ARID1B: variants seen among roughly 807,000 people sequenced by gnomAD.
The protein encoded by ARID1B is AT-rich interaction domain 1B.
Under a neutral mutation model 212.3 loss-of-function variants are expected in ARID1B, and 30 were observed. That is an observed-to-expected ratio of 0.14 (90% CI 0.11 to 0.19). The LOEUF (loss-of-function observed/expected upper bound fraction) is 0.19, where lower values mean the gene tolerates loss of function less well. Ranked by LOEUF, ARID1B falls within the 10% of genes least tolerant of loss-of-function variation. The pLI is 1.00. For missense variants in ARID1B, 2,891 were observed against 3,204.0 expected (o/e 0.90, Z 2.36); for synonymous variants, 1,402 against 1,301.7 (o/e 1.08, Z -1.66).
chr6:157,189,559 C>A (rs1793210802), intron 13 of ARID1B, 83 bp from the exon 14 acceptor site: 2 of 1,419,514 alleles, frequency 1.4e-6, no homozygotes, highest in East Asian at 2.5e-5. Context: ...TTATGTCTTT[C>A]ATCTGTATAA....
intron 9 of ARID1B, chr6:157,169,037 G>A (rs1462353980): frequency 6.6e-6 from 1 of 152,172 alleles, no homozygotes; most frequent in African/African-American, 2.4e-5. Flanking sequence ...ACTGCGTTCT[G>A]ATCTCTCAGA....
intron 2 of ARID1B, among the ~76,000 whole-genome samples, chr6:156,893,598 A>AT (rs199524644): frequency 2.2e-3 from 309 of 138,644 alleles, no homozygotes; most frequent in African/African-American, 7.3e-3. Context: ...AAATAACCTA[A>AT]TTAAAAAAAA....
At position 157,206,758 on chromosome 6, in the gene ARID1B, A is replaced by T. The variant is rs766023993; in HGVS notation, c.5986A>T (p.Ile1996Phe). The stretch of plus-strand genomic sequence containing the variant: ...CTCTGAAGAGCAGCAAGAGAAAAGC[A>T]TCATAGCAACCATCGATGACGTCCT... The part of the protein sequence containing the change: ...GDSEEQQEKS[I>F]IATIDDVLSA... Residue 1996 changes from isoleucine (I) to phenylalanine (F), a missense_variant, in exon 20 of 20, where the codon ATC (isoleucine) becomes TTC (phenylalanine). Around this residue, in one of 7 missense-constraint regions of ARID1B, gnomAD observed 332 missense variants for 369.2 expected, o/e 0.90. Transcript: ENST00000636930. The surrounding 1 kb of genome is among the most constrained non-coding windows in gnomAD (Gnocchi z 6.8). 16 of 1,613,450 alleles carry T rather than the reference A, an allele frequency of 9.9e-6. No homozygotes were observed. Among genetic ancestry groups the T allele is most frequent in the South Asian group, 8.8e-5 (8 of 91,082 alleles).
At chr6:156,902,213 T>C (rs1348887667) in intron 3 of ARID1B, 1 of 152,238 alleles carries the variant, frequency 6.6e-6, no homozygotes, top group East Asian at 1.9e-4. Context: ...TTTTAGAGAC[T>C]GTCACTCATG....
intron 2 of ARID1B, among the ~76,000 whole-genome samples, chr6:156,855,278 A>G (rs1057103613): frequency 6.6e-6 from 1 of 152,154 alleles, no homozygotes; most frequent in Non-Finnish European, 1.5e-5. Flanking sequence ...TAGCGAGCAC[A>G]TTGTTTTTTG....
intron 4 of ARID1B, among the ~76,000 whole-genome samples, chr6:157,075,834 C>T (rs1465112855): frequency 3.9e-5 from 6 of 152,196 alleles, no homozygotes; most frequent in African/African-American, 1.4e-4. Flanking sequence ...AAATACCTGA[C>T]AAGTACTCTT....
chr6:157,200,839 C>A lies in ARID1B; in HGVS notation c.4614C>A (p.Asp1538Glu). 1 of 1,614,074 alleles carries A rather than the reference C, an allele frequency of 6.2e-7. No homozygotes were observed. Among genetic ancestry groups the A allele is most frequent in the Admixed American group, 1.7e-5 (1 of 60,028 alleles). The part of the protein sequence containing the change: ...NQYGGSYSGP[D>E]RRPIQGQYPY... ...ATGGAGGCTCCTACTCGGGCCCGGACCGCAGGCCCATCCAGGGCCAGTACC... is the reference window on the plus strand; with the variant it reads ...ATGGAGGCTCCTACTCGGGCCCGGAACGCAGGCCCATCCAGGGCCAGTACC... Residue 1538 changes from aspartate to glutamate, a missense_variant, in exon 18 of 20, where the codon GAC becomes GAA. Transcript: ENST00000636930. This position sits in a 1 kb window ranked among gnomAD's most constrained non-coding sequence, Gnocchi z 4.3.
intron 13 of ARID1B, among the ~76,000 whole-genome samples, chr6:157,187,446 C>T (rs1793048764): frequency 6.6e-6 from 1 of 152,130 alleles, no homozygotes; most frequent in South Asian, 2.1e-4. Context: ...CAGAGGTGCC[C>T]TCTGGTTGAC....
At chr6:156,897,190 TAC>T (rs1491391638) in intron 2 of ARID1B, among the ~76,000 whole-genome samples, 4 of 125,336 alleles carry the variant, frequency 3.2e-5, no homozygotes, top group Admixed American at 1.5e-4. Context: ...TTGCTGCTGC[TAC>T]TGCTGCTGCT....
intron 4 of ARID1B, among the ~76,000 whole-genome samples, chr6:157,081,432 A>G (rs138529888): frequency 2.6e-5 from 4 of 152,360 alleles, no homozygotes; most frequent in African/African-American, 7.2e-5. Flanking sequence ...CAGATACCCT[A>G]ACAATCTGCA....
At chr6:156,848,636 G>C (rs903138058) in intron 2 of ARID1B, among the ~76,000 whole-genome samples, 9 of 152,152 alleles carry the variant, frequency 5.9e-5, no homozygotes, top group African/African-American at 2.2e-4. Flanking sequence ...GTGCATTTTT[G>C]GTGCCCTGGA....
intron 2 of ARID1B, chr6:156,871,577 A>G (rs1382415716): frequency 1.3e-6 from 2 of 1,583,342 alleles, no homozygotes; most frequent in Non-Finnish European, 1.7e-6. Context: ...TGACTCCAAC[A>G]CTGTTGCTCC....
intron 4 of ARID1B, among the ~76,000 whole-genome samples, chr6:157,076,181 T>C (rs778916082): frequency 4.6e-5 from 7 of 152,202 alleles, no homozygotes; most frequent in Non-Finnish European, 8.8e-5. Flanking sequence ...TTATGGTTCA[T>C]GTGAATGGGT....
intron 4 of ARID1B, among the ~76,000 whole-genome samples, chr6:157,059,926 G>A (rs1024460556): frequency 6.6e-6 from 1 of 152,172 alleles, no homozygotes; most frequent in Non-Finnish European, 1.5e-5. Flanking sequence ...CAGCATCTAC[G>A]CTGCCACTTC....
intron 4 of ARID1B, among the ~76,000 whole-genome samples, chr6:157,007,324 T>C (rs996972050): frequency 4.6e-5 from 7 of 152,268 alleles, no homozygotes; most frequent in East Asian, 1.9e-4. Flanking sequence ...TTTGTACTTA[T>C]ATTACTTTCA....
intron 2 of ARID1B, among the ~76,000 whole-genome samples, chr6:156,884,997 C>T (rs985115719): frequency 3.3e-5 from 5 of 152,100 alleles, no homozygotes; most frequent in East Asian, 1.9e-4. Context: ...AGTTGGAAAT[C>T]GTGTTTCCCT....
chr6:157,001,620 C>T (rs565265176), intron 4 of ARID1B, among the ~76,000 whole-genome samples: 6 of 152,294 alleles, frequency 3.9e-5, no homozygotes, highest in East Asian at 1.9e-4. Context: ...TGATATATTA[C>T]GCAGTACTAC....
At chr6:156,884,755 G>A (rs566269150) in intron 2 of ARID1B, among the ~76,000 whole-genome samples, 3 of 152,324 alleles carry the variant, frequency 2.0e-5, no homozygotes, top group African/African-American at 7.2e-5. Context: ...AGATACTAGT[G>A]TTGCTAATTC....
At chr6:156,793,498 C>CCT (rs1780152368) in intron 1 of ARID1B, among the ~76,000 whole-genome samples, 1 of 152,030 alleles carries the variant, frequency 6.6e-6, no homozygotes. Flanking sequence ...ACCATGCCTG[C>CCT]CTACTTTTCA....
Sources: gnomAD v4.1 joint callset for allele counts (sites outside exome capture counted in the v4.1 genomes callset) on GRCh38, gnomAD v4.1.1 for gene constraint, gnomAD v4.1.1 regional missense constraint, Gnocchi (gnomAD v3.1) non-coding constraint, MANE v1.5 for transcripts, NCBI Gene and HGNC (gene_info 2026-07-23, HGNC 2026-07-21) for gene names.